The following OPCML variants were observed in gnomAD, a reference collection of about 807,000 sequenced individuals.
OPCML encodes opioid binding protein/cell adhesion molecule like.
OPCML carries 13 observed loss-of-function variants against 37.8 expected under a neutral mutation model. The ratio of observed to expected loss-of-function variants is 0.34; its 90% confidence interval spans 0.22 to 0.55. OPCML has a LOEUF of 0.55. Ranked by LOEUF, OPCML falls within the 20% of genes least tolerant of loss-of-function variation. The pLI, the probability that OPCML is intolerant of heterozygous loss-of-function variation, is 0.91. For missense variants in OPCML, 341 were observed against 435.6 expected, an observed-to-expected ratio of 0.78 and a Z score of 1.93; for synonymous variants, 176 against 168.8, an observed-to-expected ratio of 1.04 and a Z score of -0.33.
At chr11:133,374,006 T>C (rs886520309) in intron 1 of OPCML, among the ~76,000 whole-genome samples, 2 of 152,230 alleles carry the variant, frequency 1.3e-5, no homozygotes, top group Admixed American at 1.3e-4. Context: ...TACTGCTAGG[T>C]ATTTACCCAA....
intron 2 of OPCML, among the ~76,000 whole-genome samples, chr11:132,688,595 T>A (rs1321654194): frequency 6.6e-6 from 1 of 152,196 alleles, no homozygotes; most frequent in Admixed American, 6.5e-5. Flanking sequence ...ATGGTATCAC[T>A]GTTTTTGATG....
At chr11:132,531,399 A>G (rs2096324605) in intron 3 of OPCML, among the ~76,000 whole-genome samples, 1 of 152,208 alleles carries the variant, frequency 6.6e-6, no homozygotes, top group Non-Finnish European at 1.5e-5. Context: ...TAATTACCAA[A>G]CAGGTACAGT....
At chr11:133,273,433 G>C (rs905332660) in intron 1 of OPCML, among the ~76,000 whole-genome samples, 2 of 152,094 alleles carry the variant, frequency 1.3e-5, no homozygotes, top group African/African-American at 4.8e-5. Context: ...AGGAGCTGAG[G>C]AACTGACCCC....
chr11:132,521,642 C>T (rs2096294073), intron 4 of OPCML, among the ~76,000 whole-genome samples: 1 of 152,054 alleles, frequency 6.6e-6, no homozygotes. Flanking sequence ...AGCATTAAGA[C>T]AAATACCTAA....
At chr11:132,908,993 C>T (rs947870901) in intron 2 of OPCML, among the ~76,000 whole-genome samples, 1 of 152,154 alleles carries the variant, frequency 6.6e-6, no homozygotes, top group Non-Finnish European at 1.5e-5. Flanking sequence ...GGAAGAGCGT[C>T]GCTCAGGGGT....
chr11:133,502,858 G>C (rs552538560), intron 1 of OPCML, among the ~76,000 whole-genome samples: 73 of 152,300 alleles, frequency 4.8e-4, no homozygotes, highest in African/African-American at 1.8e-3. Flanking sequence ...GACAGAAGAA[G>C]GCCTTCTGGA....
At chr11:133,289,629 A>G (rs1267578138) in intron 1 of OPCML, among the ~76,000 whole-genome samples, 1 of 150,886 alleles carries the variant, frequency 6.6e-6, no homozygotes, top group East Asian at 1.9e-4. Context: ...TTGACATATT[A>G]GTTTCACGCT....
At chr11:133,362,857 A>G (rs1386445137) in intron 1 of OPCML, among the ~76,000 whole-genome samples, 2 of 152,018 alleles carry the variant, frequency 1.3e-5, no homozygotes, top group South Asian at 2.1e-4. Flanking sequence ...GTTGTCCACA[A>G]TCAAAGCCAT....
At chr11:132,863,388 G>A (rs1489530066) in intron 2 of OPCML, among the ~76,000 whole-genome samples, 3 of 152,120 alleles carry the variant, frequency 2.0e-5, no homozygotes, top group Non-Finnish European at 2.9e-5. Flanking sequence ...ATGACACAAC[G>A]GGTATACTGA....
chr11:133,140,877 AGACGACGACGACGAC>A lies in OPCML; in HGVS notation c.62-197882_62-197868del, dbSNP rs200685608. ...ACGAAGAAGACGACGACGACGAAGA[AGACGACGACGACGAC>A]GAAGACGACGACGACGAAGAAGAAG... On this transcript the variant is annotated intron_variant, in intron 1 of 7. Coordinates refer to ENST00000524381, the MANE Select transcript of OPCML (RefSeq NM_001012393.5). Among the ~76,000 whole-genome samples the A allele has an allele frequency of 4.3e-3, 73 of 16,900 alleles. 6 individuals carry two copies. Among genetic ancestry groups the A allele is most frequent in the African/African-American group, 6.3e-3 (65 of 10,332 alleles). 11.1% of individuals were successfully genotyped at this position (16,900 alleles called of 152,430 possible).
chr11:133,215,879 G>A (rs1355071763), intron 1 of OPCML, among the ~76,000 whole-genome samples: 3 of 152,134 alleles, frequency 2.0e-5, no homozygotes, highest in Non-Finnish European at 4.4e-5. Flanking sequence ...CTGGCTGCCC[G>A]CTTGAGTACA....
intron 1 of OPCML, among the ~76,000 whole-genome samples, chr11:133,417,175 T>C (rs1190617346): frequency 6.6e-6 from 1 of 152,194 alleles, no homozygotes; most frequent in Non-Finnish European, 1.5e-5. Flanking sequence ...AGTGTTTCCC[T>C]GAGTTCTGTG....
intron 1 of OPCML, among the ~76,000 whole-genome samples, chr11:133,188,254 G>A (rs1252200881): frequency 6.6e-6 from 1 of 152,154 alleles, no homozygotes; most frequent in Non-Finnish European, 1.5e-5. Flanking sequence ...AGAATCATAT[G>A]GGCCTCATGC....
chr11:132,886,715 G>A (rs1388752660), intron 2 of OPCML, among the ~76,000 whole-genome samples: 1 of 152,218 alleles, frequency 6.6e-6, no homozygotes, highest in Non-Finnish European at 1.5e-5. Flanking sequence ...TCCCTGTGCT[G>A]GGGGAGTCGT....
In OPCML at chr11:133,532,145, A is replaced by G. The variant is rs563358005; in HGVS notation, c.61+119T>C. Reference sequence around the variant, plus strand: ...AAGCCTACCTCTTTCACTCACATGCATCTCACACTCCCTGTCCTCACCCCT... The same window carrying G: ...AAGCCTACCTCTTTCACTCACATGCGTCTCACACTCCCTGTCCTCACCCCT... On this transcript the variant is annotated intron_variant, in intron 1 of 7. Transcript: ENST00000524381. 21 of 1,482,922 alleles carry G rather than the reference A, an allele frequency of 1.4e-5. 1 individual carries two copies. In the African/African-American group the frequency reaches 2.4e-4, roughly 17 times the overall value. The allele number at this position is 1,482,922 out of a possible 1,614,324, so 91.9% of individuals were successfully genotyped here. A position where few individuals can be genotyped will look rare whatever the true frequency, so the allele number is the denominator to read the frequency against.
At chr11:133,492,200 G>A (rs1947678506) in intron 1 of OPCML, among the ~76,000 whole-genome samples, 1 of 152,144 alleles carries the variant, frequency 6.6e-6, no homozygotes, top group Non-Finnish European at 1.5e-5. Flanking sequence ...GAGGGGGAGT[G>A]GGGACCATGG....
intron 3 of OPCML, 63 bp downstream of exon 3, chr11:132,657,024 C>T (rs1373266292): frequency 4.4e-6 from 7 of 1,579,334 alleles, no homozygotes; most frequent in Non-Finnish European, 6.0e-6. Context: ...GAACAAACAC[C>T]AACACTGTTC....
Position 133,206,940 on chromosome 11 carries a change from G to A in OPCML, c.62-263930C>T, listed in dbSNP as rs1038913228. ...AGCGAGGCCCGGATCACGTAATCCA[G>A]ATGTTGCTCCTGAAATGCACTCACG... On this transcript the variant is annotated intron_variant, in intron 1 of 7. Coordinates refer to ENST00000524381, the MANE Select transcript of OPCML (RefSeq NM_001012393.5). This position sits in a 1 kb window ranked among gnomAD's most constrained non-coding sequence, Gnocchi z 4.7. Among the ~76,000 whole-genome samples the A allele has an allele frequency of 6.6e-6, 1 of 152,032 alleles. No individual in the cohort carries two copies. The highest frequency in any genetic ancestry group is 2.4e-5 in the African/African-American group (1 of 41,394).
At chr11:132,524,761 C>T (rs993201216) in intron 4 of OPCML, among the ~76,000 whole-genome samples, 1 of 152,144 alleles carries the variant, frequency 6.6e-6, no homozygotes, top group African/African-American at 2.4e-5. Context: ...GCTCCAGCAG[C>T]TTACGCAGTC....
Sources: gnomAD v4.1 joint callset for allele counts (sites outside exome capture counted in the v4.1 genomes callset) on GRCh38, gnomAD v4.1.1 for gene constraint, Gnocchi (gnomAD v3.1) non-coding constraint, MANE v1.5 for transcripts, NCBI Gene and HGNC (gene_info 2026-07-23, HGNC 2026-07-21) for gene names.